ATM: variants seen among roughly 807,000 people sequenced by gnomAD.
ATM encodes ATM serine/threonine kinase.
ATM carries 308 observed loss-of-function variants against 387.0 expected under a neutral mutation model. That is an observed-to-expected ratio of 0.80 (90% CI 0.73 to 0.87). The LOEUF (loss-of-function observed/expected upper bound fraction) is 0.87. Among genes scored for constraint, ATM ranks in the 40% least tolerant of loss-of-function variants. The pLI is 0.00. For synonymous variants in ATM, 1,156 were observed against 1,187.3 expected (o/e 0.97, Z 0.54); for missense variants, 3,312 against 3,560.9 (o/e 0.93, Z 1.78).
At chr11:108,267,607 T>C (rs1310098345) in intron 17 of ATM, among the ~76,000 whole-genome samples, 1 of 152,066 alleles carries the variant, frequency 6.6e-6, no homozygotes, top group Non-Finnish European at 1.5e-5. Flanking sequence ...GCTTGTAATC[T>C]CAGCACTTTG....
intron 4 of ATM, among the ~76,000 whole-genome samples, chr11:108,233,307 C>A (rs954470119): frequency 1.3e-5 from 2 of 152,146 alleles, no homozygotes; most frequent in South Asian, 4.1e-4. Context: ...GTGGCTCATG[C>A]CTCTCTAATC....
chr11:108,262,539 G>C (rs1390896961), intron 16 of ATM, among the ~76,000 whole-genome samples: 1 of 152,244 alleles, frequency 6.6e-6, no homozygotes, highest in Admixed American at 6.5e-5. Context: ...ATGCCAAAAT[G>C]TAAAGACCAT....
intron 56 of ATM, among the ~76,000 whole-genome samples, chr11:108,339,968 C>T (rs2087328149): frequency 6.6e-6 from 1 of 152,050 alleles, no homozygotes; most frequent in Non-Finnish European, 1.5e-5. Context: ...ATTTATATAC[C>T]TACGTTGGGT....
intron 9 of ATM, 86 bp from the exon 10 acceptor site, chr11:108,250,615 T>C (rs1181011429): frequency 2.9e-6 from 4 of 1,373,664 alleles, no homozygotes; most frequent in Non-Finnish European, 4.1e-6. Flanking sequence ...ATTAGGATAT[T>C]GTAAGAGTAC....
chr11:108,347,219 C>A (rs1048565782), intron 58 of ATM, 60 bp from the exon 59 acceptor site: 1 of 1,253,966 alleles, frequency 8.0e-7, no homozygotes, highest in Non-Finnish European at 1.2e-6. Flanking sequence ...GAAATTATGG[C>A]TATATATTAG....
At chr11:108,228,193 TATA>T (rs2078841205) in intron 3 of ATM, among the ~76,000 whole-genome samples, 1 of 152,176 alleles carries the variant, frequency 6.6e-6, no homozygotes, top group South Asian at 2.1e-4. Flanking sequence ...AGGAAAAAAT[TATA>T]ATAAATGTTA....
chr11:108,294,348 A>G (rs583725), intron 31 of ATM, among the ~76,000 whole-genome samples: 79,590 of 152,102 alleles, frequency 0.52, 21,689 homozygotes, highest in Middle Eastern at 0.73. Flanking sequence ...GTTAAGATGT[A>G]AAGTTATACT....
chr11:108,227,441 C>A, intron 1 of ATM, 154 bp from the exon 2 acceptor site: 1 of 535,430 alleles, frequency 1.9e-6, no homozygotes, highest in Non-Finnish European at 3.3e-6. Flanking sequence ...AATTATTGTG[C>A]CTTTGACCAG....
At chr11:108,248,193 A>G (rs898965774) in intron 8 of ATM, among the ~76,000 whole-genome samples, 2 of 152,164 alleles carry the variant, frequency 1.3e-5, no homozygotes, top group African/African-American at 4.8e-5. Context: ...TTACCCATCC[A>G]TCACCTGATG....
In ATM at chr11:108,338,614, C is replaced by T. The variant is rs145768668; in HGVS notation, c.8268+2653C>T. On this transcript the variant is annotated intron_variant, in intron 56 of 62. Coordinates refer to ENST00000675843, the MANE Select transcript of ATM (RefSeq NM_000051.4). ...GGGCTGTGCATGAGCTGTGATCATG[C>T]CACTGCAGTCCAGTCTGGACAACAG... Among the ~76,000 whole-genome samples the T allele has an allele frequency of 1.1e-4, 16 of 151,952 alleles. No homozygotes were observed. In the East Asian group the frequency reaches 3.1e-3, roughly 29 times the overall value.
In ATM at chr11:108,331,988, G is replaced by A. The variant is rs761790685; in HGVS notation, c.7739G>A (p.Arg2580Lys). ...CTGACTAAACCAGAGGTAGCCAGAA[G>A]AAGCAGAATAACTAAAAATGTGCCT... ...EFLTKPEVAR[R>K]SRITKNVPKQ... Residue 2580 changes from arginine to lysine, a missense_variant, in exon 52 of 63, where the codon AGA becomes AAA. Around this residue, in one of 4 missense-constraint regions of ATM, gnomAD observed 1,405 missense variants for 1,604.4 expected, o/e 0.88. Coordinates refer to ENST00000675843, the MANE Select transcript of ATM (RefSeq NM_000051.4). 2.5e-6 allele frequency: 4 copies of A among 1,614,038 alleles called. No individual in the cohort carries two copies. In the East Asian group the frequency reaches 8.9e-5, roughly 36 times the overall value.
In ATM at chr11:108,257,554, C is replaced by A; in HGVS notation, c.2324C>A (p.Ser775Tyr). 5 of 1,614,010 alleles carry A rather than the reference C, an allele frequency of 3.1e-6. No homozygotes were observed. The highest frequency in any genetic ancestry group is 4.2e-6 in the Non-Finnish European group (5 of 1,180,020). Residue 775 changes from serine (S) to tyrosine (Y), a missense_variant, in exon 15 of 63, where the codon TCC (serine) becomes TAC (tyrosine). By Grantham distance (144) the Ser-to-Tyr change is moderately radical. Coordinates refer to ENST00000675843, the MANE Select transcript of ATM (RefSeq NM_000051.4). ...ACAAATGAGGAATTCAGAATTGGTTCCTTGAGAAATATGATGCAGCTATGT... is the reference window on the plus strand; with the variant it reads ...ACAAATGAGGAATTCAGAATTGGTTACTTGAGAAATATGATGCAGCTATGT... ...NKTNEEFRIG[S>Y]LRNMMQLCTR...
At position 108,315,909 on chromosome 11, in the gene ATM, T is replaced by A. The variant is rs771945366; in HGVS notation, c.6093T>A (p.Thr2031=). The A allele has an allele frequency of 6.2e-7, 1 of 1,610,784 alleles. No homozygotes were observed. Among genetic ancestry groups the A allele is most frequent in the South Asian group, 1.1e-5 (1 of 91,018 alleles). Residue 2031 remains threonine, a splice_region_variant and synonymous_variant, in exon 41 of 63, where the codon ACT becomes ACA. Coordinates refer to ENST00000675843, the MANE Select transcript of ATM (RefSeq NM_000051.4). ...CGGGKMLQPI[T]RLRTYEHEAM... is the part of the protein sequence containing the mutation. ...GAGGGAAGATGTTACAACCCATTAC[T>A]AGGTAAATTGCATTTTTCTAAACAA...
At chr11:108,352,473 CAG>C (rs1211628121) in intron 59 of ATM, among the ~76,000 whole-genome samples, 2 of 152,066 alleles carry the variant, frequency 1.3e-5, no homozygotes, top group Non-Finnish European at 2.9e-5. Flanking sequence ...AGCTGAGCAA[CAG>C]AGGAAGAAAA....
At chr11:108,306,602 A>G (rs2083705942) in intron 37 of ATM, among the ~76,000 whole-genome samples, 1 of 152,206 alleles carries the variant, frequency 6.6e-6, no homozygotes, top group Non-Finnish European at 1.5e-5. Context: ...GTTTTATTTT[A>G]TCTGTATACA....
Position 108,365,614 on chromosome 11 carries a change from A to G in ATM, c.*106A>G, listed in dbSNP as rs1035829637. ...TAAGTAGGGATTAATATTTAAGTGA[A>G]CTATTGTGGGTTTTTTTGAATGTTG... On this transcript the variant is annotated 3_prime_UTR_variant, in exon 63 of 63. Transcript: ENST00000675843. The G allele has an allele frequency of 5.1e-6, 7 of 1,362,338 alleles. No individual in the cohort carries two copies. The African/African-American group carries it at 7.3e-5, about 14-fold the overall frequency. The allele number at this position is 1,362,338 out of a possible 1,614,324, so 84.4% of individuals were successfully genotyped here.
In ATM at chr11:108,321,433, T is replaced by C. The variant is rs1441875536; in HGVS notation, c.6572+13T>C. ...AGCTTTTCTCAAGGTATGTAATTCG[T>C]ATGACTTTGTTATCCTAAAGTGCAG... On this transcript the variant is annotated intron_variant, in intron 45 of 62. Transcript: ENST00000675843. 4 of 1,613,900 alleles carry C rather than the reference T, an allele frequency of 2.5e-6. No homozygotes were observed. Among genetic ancestry groups the C allele is most frequent in the Non-Finnish European group, 3.4e-6 (4 of 1,179,944 alleles).
chr11:108,289,065 A>T lies in ATM; in HGVS notation c.4198A>T (p.Lys1400Ter), dbSNP rs587781950. The T allele has an allele frequency of 6.2e-7, 1 of 1,612,052 alleles. No homozygotes were observed. Among genetic ancestry groups the T allele is most frequent in the Non-Finnish European group, 8.5e-7 (1 of 1,178,426 alleles). The change falls in exon 28 of 63, where the codon AAG (lysine) becomes TAG (stop). Residue 1400 changes from lysine to a stop codon, truncating the protein, a stop_gained. Transcript: ENST00000675843. LOFTEE classifies it high-confidence loss of function. ...CTATATCAGCAATTGTCATAAAACC[A>T]AGTTAAAAAGCATTTTAGAAATTCT... is the stretch of plus-strand genomic sequence containing the variant. ...FAYISNCHKT[K>*]LKSILEILSK...
chr11:108,329,877 T>C (rs1453035700), intron 49 of ATM, among the ~76,000 whole-genome samples: 2 of 152,240 alleles, frequency 1.3e-5, no homozygotes, highest in African/African-American at 4.8e-5. Context: ...GAAAAGGAGA[T>C]AGATATTGAA....
Sources: allele counts gnomAD v4.1 joint callset (sites outside exome capture counted in the v4.1 genomes callset), GRCh38; gene constraint gnomAD v4.1.1; regional missense constraint gnomAD v4.1.1; transcripts MANE v1.5; gene names NCBI Gene and HGNC (gene_info 2026-07-23, HGNC 2026-07-21).